The following PSD4 variants were observed in gnomAD, a reference collection of about 807,000 sequenced individuals.
PSD4 encodes PH and SEC7 domain-containing protein 4.
A neutral mutation model predicts 112.5 loss-of-function variants in PSD4; 59 were observed. The observed-to-expected ratio is 0.52, with a 90% CI of 0.43 to 0.65. The LOEUF (loss-of-function observed/expected upper bound fraction) is 0.65, where lower values mean the gene tolerates loss of function less well. PSD4 is among the 30% of genes least tolerant of loss of function. The pLI, the probability that PSD4 is intolerant of heterozygous loss-of-function variation, is 0.00. For missense variants in PSD4, 1,267 were observed against 1,352.6 expected (o/e 0.94, Z 0.99); for synonymous variants, 533 against 540.0 (o/e 0.99, Z 0.18).
rs1355116852 is a variant in PSD4 at position 113,186,051 on chromosome 2, A to G, written c.1424A>G (p.His475Arg). 16 of 1,614,180 alleles carry G rather than the reference A, an allele frequency of 9.9e-6. No homozygotes were observed. Among genetic ancestry groups the G allele is most frequent in the Non-Finnish European group, 1.2e-5 (14 of 1,180,030 alleles). The change falls in exon 5 of 17, where the codon CAC becomes CGC. Residue 475 changes from histidine (H) to arginine (R), a missense_variant. Coordinates refer to ENST00000245796, the MANE Select transcript of PSD4 (RefSeq NM_012455.3). The part of the protein sequence containing the change: ...SQEGSPQLQH[H>R]SSGILPKWTL... The stretch of plus-strand genomic sequence containing the variant: ...GAGGGCAGCCCGCAGCTTCAACACC[A>G]CAGCTCAGGCATTTTGCCCAAGTGG...
Position 113,193,579 on chromosome 2 carries a change from A to G in PSD4, c.2033-13A>G. ...CAATGAGCTTTCTCTCCACTTACCT[A>G]TCTCTGGGGTAGATTCTGTACACAC... On this transcript the variant is annotated splice_polypyrimidine_tract_variant and intron_variant, in intron 8 of 16. Coordinates refer to ENST00000245796, the MANE Select transcript of PSD4 (RefSeq NM_012455.3). The G allele has an allele frequency of 2.5e-6, 4 of 1,611,208 alleles. No individual in the cohort carries two copies. Among genetic ancestry groups the G allele is most frequent in the African/African-American group, 1.3e-5 (1 of 74,932 alleles).
chr2:113,182,919 G>A lies in PSD4; in HGVS notation c.463G>A (p.Val155Met). The A allele has an allele frequency of 6.2e-7, 1 of 1,614,254 alleles. No homozygotes were observed. The highest frequency in any genetic ancestry group is 1.1e-5 in the South Asian group (1 of 91,090). The change falls in exon 2 of 17, where the codon GTG becomes ATG. Residue 155 changes from valine to methionine, a missense_variant. Physicochemically the swap from Val to Met is conservative, Grantham distance 21. Around this residue, in one of 2 missense-constraint regions of PSD4, gnomAD observed 723 missense variants for 704.0 expected, o/e 1.03. Coordinates refer to ENST00000245796, the MANE Select transcript of PSD4 (RefSeq NM_012455.3). Reference sequence around the variant, plus strand: ...GAACCGGAGCACGTCCACACAGGTAGTGTTCTGGGCAGGCATCCTGCAGGC... The same window carrying A: ...GAACCGGAGCACGTCCACACAGGTAATGTTCTGGGCAGGCATCCTGCAGGC... ...KQNRSTSTQVVFWAGILQAQM... is the reference protein window; with the variant it reads ...KQNRSTSTQVMFWAGILQAQM...
chr2:113,192,909 G>A (rs1190809917), intron 6 of PSD4, 139 bp from the exon 7 acceptor site: 2 of 813,892 alleles, frequency 2.5e-6, no homozygotes, highest in Admixed American at 5.1e-5. Flanking sequence ...GCTCTGTCAG[G>A]ACCCAAGGCC....
intron 1 of PSD4, among the ~76,000 whole-genome samples, chr2:113,175,650 G>A (rs1481053561): frequency 2.0e-5 from 3 of 152,164 alleles, no homozygotes; most frequent in Non-Finnish European, 2.9e-5. Context: ...ACATTTCCAG[G>A]GTAAAAGGAG....
rs1344510900 is a variant in PSD4, at chr2:113,185,881, G to C, written c.1254G>C (p.Glu418Asp). 2 of 1,610,158 alleles carry C rather than the reference G, an allele frequency of 1.2e-6. No homozygotes were observed. The highest frequency in any genetic ancestry group is 1.7e-6 in the Non-Finnish European group (2 of 1,178,306). Residue 418 changes from glutamate to aspartate, a missense_variant, in exon 5 of 17, where the codon GAG (glutamate) becomes GAC (aspartate). Physicochemically the swap from Glu to Asp is conservative, Grantham distance 45. Coordinates refer to ENST00000245796, the MANE Select transcript of PSD4 (RefSeq NM_012455.3). ...TCACTTCATGTTCTTCCTCAGATGAGAGGGAGGGTGGACACCCCCAGGAAT... is the reference window on the plus strand; with the variant it reads ...TCACTTCATGTTCTTCCTCAGATGACAGGGAGGGTGGACACCCCCAGGAAT... ...QVTLNSQDRD[E>D]REGGHPQESL...
In PSD4 at chr2:113,192,382, A is replaced by G. The variant is rs771570180; in HGVS notation, c.1631A>G (p.Glu544Gly). 11 of 1,614,030 alleles carry G rather than the reference A, an allele frequency of 6.8e-6. No homozygotes were observed. In the Middle Eastern group the frequency reaches 4.9e-4, roughly 73 times the overall value. ...AGCTCCTGCATGTCTATCTCAAGTGAGAATCTGAGGACACCGATGAACTCT... is the reference window on the plus strand; with the variant it reads ...AGCTCCTGCATGTCTATCTCAAGTGGGAATCTGAGGACACCGATGAACTCT... ...PDIHLTSAEH[E>G]NLRTPMNSSW... The change falls in exon 6 of 17, where the codon GAG (glutamate) becomes GGG (glycine). Residue 544 changes from glutamate to glycine, a missense_variant and splice_region_variant. Glu to Gly is a moderately conservative substitution (Grantham distance 98). Around this residue, in one of 2 missense-constraint regions of PSD4, gnomAD observed 723 missense variants for 704.0 expected, o/e 1.03. Coordinates refer to ENST00000245796, the MANE Select transcript of PSD4 (RefSeq NM_012455.3).
intron 11 of PSD4, 100 bp from the exon 12 acceptor site, chr2:113,196,047 T>C: frequency 7.0e-7 from 1 of 1,433,828 alleles, no homozygotes; most frequent in Non-Finnish European, 9.6e-7. Flanking sequence ...GGGTGTGGCT[T>C]CCCAGGAAAA....
chr2:113,175,203 G>C (rs1356261773), intron 1 of PSD4: 2 of 152,670 alleles, frequency 1.3e-5, no homozygotes, highest in African/African-American at 4.8e-5. Flanking sequence ...GGCAGCAGCT[G>C]TACTGGGTCC....
In PSD4 at chr2:113,197,830, C is replaced by G; in HGVS notation, c.2541C>G (p.Ala847=). 1 of 1,610,910 alleles carries G rather than the reference C, an allele frequency of 6.2e-7. No individual in the cohort carries two copies. Residue 847 remains alanine (A), a synonymous_variant, in exon 14 of 17, where the codon GCC becomes GCG. Transcript: ENST00000245796. Reference sequence around the variant, plus strand: ...CCGTGGGGGTGCACCACTCGCTGGCCACCCCCGCCACGCATTACACCAAGA... The same window carrying G: ...CCGTGGGGGTGCACCACTCGCTGGCGACCCCCGCCACGCATTACACCAAGA... ...DEPVGVHHSL[A]TPATHYTKKP... is the part of the protein sequence containing the mutation.
At chr2:113,177,394 T>C (rs762669661) in intron 1 of PSD4, among the ~76,000 whole-genome samples, 10 of 152,222 alleles carry the variant, frequency 6.6e-5, no homozygotes, top group South Asian at 2.1e-4. Flanking sequence ...CCCTCTCTTA[T>C]TTTCACAAAT....
chr2:113,186,824 G>A (rs893666391), intron 5 of PSD4, among the ~76,000 whole-genome samples: 1 of 152,172 alleles, frequency 6.6e-6, no homozygotes, highest in African/African-American at 2.4e-5. Context: ...AGTAGGAATA[G>A]GCCAACTGAG....
In PSD4 at chr2:113,183,136, G is replaced by T; in HGVS notation, c.680G>T (p.Arg227Ile). The change falls in exon 2 of 17, where the codon AGA (arginine) becomes ATA (isoleucine). Residue 227 changes from arginine (R) to isoleucine (I), a missense_variant. By Grantham distance (97) the Arg-to-Ile change is moderately conservative (BLOSUM62 -3). Coordinates refer to ENST00000245796, the MANE Select transcript of PSD4 (RefSeq NM_012455.3). ...EPEGEGQAWL[R>I]EGTPDSSPQW... ...GAGGGAGAGGGCCAGGCATGGCTGA[G>T]AGAGGGAACCCCAGACTCTTCCCCA... 6.2e-7 allele frequency: 1 copy of T among 1,614,132 alleles called. No homozygotes were observed. The highest frequency in any genetic ancestry group is 8.5e-7 in the Non-Finnish European group (1 of 1,179,978).
chr2:113,177,418 G>A (rs751585516), intron 1 of PSD4, among the ~76,000 whole-genome samples: 17 of 152,144 alleles, frequency 1.1e-4, no homozygotes, highest in Non-Finnish European at 1.9e-4. Context: ...CTACAACGCC[G>A]ACTCTCAGTC....
intron 15 of PSD4, 75 bp downstream of exon 15, chr2:113,198,959 A>G: frequency 6.5e-7 from 1 of 1,531,242 alleles, no homozygotes; most frequent in Non-Finnish European, 8.7e-7. Flanking sequence ...TAACTCGGGG[A>G]GGCTGGAGGC....
rs756550501 is a variant in PSD4 at position 113,192,490 on chromosome 2, A to G, written c.1739A>G (p.Asn580Ser). 20 of 1,614,126 alleles carry G rather than the reference A, an allele frequency of 1.2e-5. No individual in the cohort carries two copies. Among genetic ancestry groups the G allele is most frequent in the Non-Finnish European group, 1.6e-5 (19 of 1,180,050 alleles). Residue 580 changes from asparagine (N) to serine (S), a missense_variant, in exon 6 of 17, where the codon AAT becomes AGT. Physicochemically the swap from Asn to Ser is conservative, Grantham distance 46 (BLOSUM62 1). Coordinates refer to ENST00000245796, the MANE Select transcript of PSD4 (RefSeq NM_012455.3). ...CCACCAGCTGGAGACAAGCTAGCTAATGGCGTCAGGAACAACAAGGTAGCC... is the reference window on the plus strand; with the variant it reads ...CCACCAGCTGGAGACAAGCTAGCTAGTGGCGTCAGGAACAACAAGGTAGCC... ...QRPPAGDKLA[N>S]GVRNNKVAWN... is the part of the protein sequence containing the mutation.
At position 113,185,967 on chromosome 2, in the gene PSD4, G is replaced by C; in HGVS notation, c.1340G>C (p.Ser447Thr). ...WRSPASSPEP[S>T]SPESESRGPG... ...AGCCCAGCTTCTTCTCCAGAGCCTA[G>C]CAGCCCAGAATCTGAGAGCAGAGGC... is the stretch of plus-strand genomic sequence containing the variant. Residue 447 changes from serine (S) to threonine (T), a missense_variant, in exon 5 of 17, where the codon AGC becomes ACC. This residue lies in a region of PSD4 where 723 missense variants were observed against 704.0 expected (regional missense o/e 1.03). Coordinates refer to ENST00000245796, the MANE Select transcript of PSD4 (RefSeq NM_012455.3). The C allele has an allele frequency of 6.2e-7, 1 of 1,614,100 alleles. No homozygotes were observed. Among genetic ancestry groups the C allele is most frequent in the Non-Finnish European group, 8.5e-7 (1 of 1,179,948 alleles).
Position 113,202,250 on chromosome 2 carries a change from A to T in PSD4, c.*835A>T, listed in dbSNP as rs1480813391. On this transcript the variant is annotated 3_prime_UTR_variant, in exon 17 of 17. Coordinates refer to ENST00000245796, the MANE Select transcript of PSD4 (RefSeq NM_012455.3). ...GAACAAGGAGCCTTTGTTCCAACAG[A>T]GCAGAGAAGGAGGTTCTCTATGTTC... 1 of 152,338 alleles carries T rather than the reference A, an allele frequency of 6.6e-6. No individual in the cohort carries two copies. The highest frequency in any genetic ancestry group is 1.5e-5 in the Non-Finnish European group (1 of 68,130). The allele number at this position is 152,338 out of a possible 1,614,324, so 9.4% of individuals were successfully genotyped here. A position where few individuals can be genotyped will look rare whatever the true frequency, so the allele number is the denominator to read the frequency against.
At chr2:113,177,871 A>G (rs1299695400) in intron 1 of PSD4, among the ~76,000 whole-genome samples, 1 of 152,246 alleles carries the variant, frequency 6.6e-6, no homozygotes, top group Non-Finnish European at 1.5e-5. Context: ...ATAAACGCTC[A>G]GAAAGTAAAA....
In PSD4 at chr2:113,182,866, A is replaced by G. The variant is rs1301404581; in HGVS notation, c.410A>G (p.Asn137Ser). 6.2e-7 allele frequency: 1 copy of G among 1,614,024 alleles called. No homozygotes were observed. Among genetic ancestry groups the G allele is most frequent in the African/African-American group, 1.3e-5 (1 of 74,950 alleles). The change falls in exon 2 of 17, where the codon AAC (asparagine) becomes AGC (serine). Residue 137 changes from asparagine (N) to serine (S), a missense_variant. Asn to Ser is a conservative substitution (Grantham distance 46). This residue lies in a region of PSD4 where 723 missense variants were observed against 704.0 expected (regional missense o/e 1.03). Coordinates refer to ENST00000245796, the MANE Select transcript of PSD4 (RefSeq NM_012455.3). ...QNTASPGSPV[N>S]SHLPGSPKQN... ...ACAGCATCACCAGGGTCACCAGTGA[A>G]CAGCCATCTACCGGGGAGCCCAAAG... is the stretch of plus-strand genomic sequence containing the variant.
Sources: gnomAD v4.1 joint callset for allele counts (sites outside exome capture counted in the v4.1 genomes callset) on GRCh38, gnomAD v4.1.1 for gene constraint, gnomAD v4.1.1 regional missense constraint, MANE v1.5 for transcripts, NCBI Gene and HGNC (gene_info 2026-07-23, HGNC 2026-07-21) for gene names.